Variants in ABLIM2 observed in about 807,000 individuals in gnomAD.
ABLIM2 encodes the protein actin-binding LIM protein 2.
Under a neutral mutation model 97.7 loss-of-function variants are expected in ABLIM2, and 53 were observed. The observed-to-expected ratio is 0.54, with a 90% CI of 0.44 to 0.68. The LOEUF is 0.68. Among genes scored for constraint, ABLIM2 ranks in the 30% least tolerant of loss-of-function variants. ABLIM2 has a pLI of 0.00. For synonymous variants in ABLIM2, 361 were observed against 345.8 expected (o/e 1.04, Z -0.49); for missense variants, 835 against 867.2 (o/e 0.96, Z 0.47).
intron 20 of ABLIM2, among the ~76,000 whole-genome samples, chr4:7,974,703 A>T (rs1472373510): frequency 6.6e-6 from 1 of 150,668 alleles, no homozygotes; most frequent in African/African-American, 2.4e-5. Flanking sequence ...CCATCCACCC[A>T]CCCATGCATC....
chr4:8,094,701 ACTT>A (rs1830513313), intron 3 of ABLIM2, among the ~76,000 whole-genome samples: 1 of 151,992 alleles, frequency 6.6e-6, no homozygotes, highest in Non-Finnish European at 1.5e-5. Context: ...TTTAGGTTTT[ACTT>A]CTTCTTTCTT....
chr4:8,135,395 G>A (rs1040302819), intron 1 of ABLIM2, among the ~76,000 whole-genome samples: 7 of 152,150 alleles, frequency 4.6e-5, no homozygotes, highest in Admixed American at 2.0e-4. Context: ...TTCATGTGTC[G>A]AAGTCCTTGC....
chr4:8,012,597 C>T (rs1765799728), intron 14 of ABLIM2, among the ~76,000 whole-genome samples: 3 of 150,946 alleles, frequency 2.0e-5, no homozygotes, highest in East Asian at 2.0e-4. Context: ...ATTCTTCACC[C>T]ATCCATCGAG....
intron 3 of ABLIM2, 130 bp from the exon 4 acceptor site, chr4:8,088,414 G>A: frequency 1.5e-6 from 1 of 683,732 alleles, no homozygotes; most frequent in Non-Finnish European, 2.5e-6. Context: ...CACAGGCTGA[G>A]GAAATGCAGG....
At chr4:8,109,521 C>A (rs1839255624) in intron 1 of ABLIM2, among the ~76,000 whole-genome samples, 1 of 152,216 alleles carries the variant, frequency 6.6e-6, no homozygotes, top group African/African-American at 2.4e-5. Flanking sequence ...TTCCAACCTG[C>A]CCCTAAGCGT....
intron 1 of ABLIM2, among the ~76,000 whole-genome samples, chr4:8,121,271 G>C (rs781366767): frequency 1.4e-4 from 22 of 152,248 alleles, no homozygotes; most frequent in Non-Finnish European, 2.9e-4. Context: ...CAGGGGCAGA[G>C]CTGGGAGAGA....
rs557677792 is a variant in ABLIM2 at position 8,002,544 on chromosome 4, C to T, written c.1618+5515G>A. On this transcript the variant is annotated intron_variant, in intron 16 of 20. Coordinates refer to ENST00000447017, the MANE Select transcript of ABLIM2 (RefSeq NM_001130083.2). This position sits in a 1 kb window ranked among gnomAD's most constrained non-coding sequence, Gnocchi z 6.1. ...TCCTGTCACGCTCGTGTCGTGCTGA[C>T]GTTCCCCTCCCTGGCACTGCGCTCC... is the stretch of plus-strand genomic sequence containing the variant. Among the ~76,000 whole-genome samples, 2 of 152,322 alleles carry T rather than the reference C, an allele frequency of 1.3e-5. No homozygotes were observed. Among genetic ancestry groups the T allele is most frequent in the South Asian group, 2.1e-4 (1 of 4,830 alleles).
intron 8 of ABLIM2, among the ~76,000 whole-genome samples, chr4:8,051,159 G>A (rs565143348): frequency 1.3e-5 from 2 of 152,354 alleles, no homozygotes; most frequent in African/African-American, 4.8e-5. Context: ...GCTGTCGCCA[G>A]CCACCCCCCA....
chr4:8,023,470 T>C lies in ABLIM2; in HGVS notation c.1268-3167A>G, dbSNP rs1192889150. On this transcript the variant is annotated intron_variant, in intron 12 of 20. Coordinates refer to ENST00000447017, the MANE Select transcript of ABLIM2 (RefSeq NM_001130083.2). The surrounding 1 kb of genome is among the most constrained non-coding windows in gnomAD (Gnocchi z 5.7). ...GGGGTTGAGAAGGAAGCCCATGAGG[T>C]GAAGTGTCCTCACCACATCCTATCA... Among the ~76,000 whole-genome samples, 2 of 152,192 alleles carry C rather than the reference T, an allele frequency of 1.3e-5. No individual in the cohort carries two copies. The highest frequency in any genetic ancestry group is 1.3e-4 in the Admixed American group (2 of 15,282).
intron 8 of ABLIM2, among the ~76,000 whole-genome samples, chr4:8,051,286 C>T (rs1034615827): frequency 2.0e-5 from 3 of 152,134 alleles, no homozygotes; most frequent in Non-Finnish European, 2.9e-5. Context: ...TGGTAGCTCA[C>T]GCCTGTAATC....
intron 14 of ABLIM2, among the ~76,000 whole-genome samples, chr4:8,013,788 T>C (rs950645135): frequency 1.3e-5 from 2 of 152,198 alleles, no homozygotes; most frequent in African/African-American, 4.8e-5. Context: ...TGAAGAGAGA[T>C]GCTTCCAGGG....
intron 1 of ABLIM2, among the ~76,000 whole-genome samples, chr4:8,115,501 C>T (rs1842415833): frequency 1.3e-5 from 2 of 152,124 alleles, no homozygotes; most frequent in South Asian, 4.2e-4. Flanking sequence ...ACAGGATGAA[C>T]CTATGCATCT....
At chr4:8,080,856 G>A in intron 4 of ABLIM2, 54 bp from the exon 5 acceptor site, 3 of 1,554,882 alleles carry the variant, frequency 1.9e-6, no homozygotes, top group East Asian at 2.3e-5. Context: ...GAGGTGTTGG[G>A]GAGGCCTCCT....
intron 3 of ABLIM2, among the ~76,000 whole-genome samples, chr4:8,091,606 ATTATGT>A (rs1828345932): frequency 5.1e-5 from 3 of 58,472 alleles, no homozygotes; most frequent in African/African-American, 1.5e-4. Context: ...AATTATATAT[ATTATGT>A]ATAATTTTAT....
At chr4:8,037,134 T>C (rs4696736) in intron 9 of ABLIM2, among the ~76,000 whole-genome samples, 46,658 of 152,102 alleles carry the variant, frequency 0.31, 7,333 homozygotes, top group Admixed American at 0.41. Flanking sequence ...ATTTTTATAT[T>C]ATTTTATTTG....
chr4:8,156,505 C>T (rs1008207970), intron 1 of ABLIM2, among the ~76,000 whole-genome samples: 4 of 152,238 alleles, frequency 2.6e-5, no homozygotes, highest in Admixed American at 1.3e-4. Context: ...ACTGCATGGC[C>T]TCGATCCACA....
At position 8,009,071 on chromosome 4, in the gene ABLIM2, G is replaced by C; in HGVS notation, c.1455C>G (p.Ser485Arg). ...TTACCTTCCTGTTATCCTGGTCCAA[G>C]CTTCCATCCTCCCCATCCGATCGCC... ...AARRSDGEDG[S>R]LDQDNRKQKS... Residue 485 changes from serine to arginine, a missense_variant, in exon 15 of 21, where the codon AGC (serine) becomes AGG (arginine). By Grantham distance (110) the Ser-to-Arg change is moderately radical. Transcript: ENST00000447017. The C allele has an allele frequency of 6.2e-7, 1 of 1,614,020 alleles. No individual in the cohort carries two copies. The highest frequency in any genetic ancestry group is 8.5e-7 in the Non-Finnish European group (1 of 1,179,900).
intron 8 of ABLIM2, among the ~76,000 whole-genome samples, chr4:8,050,833 C>T (rs1384608608): frequency 6.6e-6 from 1 of 152,240 alleles, no homozygotes; most frequent in Non-Finnish European, 1.5e-5. Context: ...AGAGGCCAGC[C>T]GCTCTCAGCC....
In ABLIM2 at chr4:7,965,864, G is replaced by A. The variant is rs1722777857; in HGVS notation, c.*1126C>T. On this transcript the variant is annotated 3_prime_UTR_variant, in exon 21 of 21. Transcript: ENST00000447017. ...TGTTTCAGGGAGCACATCGCTCCTG[G>A]GGCATGTGGGGTTTATGTTTCAGGC... 6.6e-6 allele frequency: 1 copy of A among 152,086 alleles called. No individual in the cohort carries two copies. The highest frequency in any genetic ancestry group is 2.4e-5 in the African/African-American group (1 of 41,290). The allele number at this position is 152,086 out of a possible 1,614,324, so 9.4% of individuals were successfully genotyped here.
Sources: allele counts gnomAD v4.1 joint callset (sites outside exome capture counted in the v4.1 genomes callset), GRCh38; gene constraint gnomAD v4.1.1; non-coding constraint Gnocchi (gnomAD v3.1); transcripts MANE v1.5; gene names NCBI Gene and HGNC (gene_info 2026-07-23, HGNC 2026-07-21).